Variants in DGKE observed in about 807,000 individuals in gnomAD.
The protein encoded by DGKE is DAG kinase epsilon.
Under a neutral mutation model 70.0 loss-of-function variants are expected in DGKE, and 53 were observed. The ratio of observed to expected loss-of-function variants is 0.76; its 90% CI spans 0.61 to 0.95. The LOEUF is 0.95. DGKE is among the 40% of genes least tolerant of loss of function. DGKE has a pLI of 0.00. For synonymous variants in DGKE, 291 were observed against 257.0 expected, an observed-to-expected ratio of 1.13 and a Z score of -1.27; for missense variants, 655 against 706.9, an observed-to-expected ratio of 0.93 and a Z score of 0.83.
intron 1 of DGKE, among the ~76,000 whole-genome samples, 182 bp from the exon 2 acceptor site, chr17:56,834,588 AGCGTGATG>A (rs1233058601): frequency 4.6e-5 from 7 of 151,682 alleles, no homozygotes; most frequent in Admixed American, 6.6e-5. Flanking sequence ...TGGGGATTGG[AGCGTGATG>A]GCTGGACGTC....
chr17:56,858,800 C>T (rs1178009827), intron 9 of DGKE, 135 bp downstream of exon 9: 5 of 593,798 alleles, frequency 8.4e-6, no homozygotes, highest in Non-Finnish European at 1.4e-5. Flanking sequence ...GTGCCAGGCA[C>T]TTTGCTACAT....
rs938951070 is a variant in DGKE at position 56,834,859 on chromosome 17, C to T, written c.64C>T (p.Leu22=). ...CGAGGGCCTGTTTGCGGACGGGCAC[C>T]TGATCTTGTGGACGCTGTGCTCGGT... is the stretch of plus-strand genomic sequence containing the variant. The part of the protein sequence containing the change: ...PSEGLFADGH[L]ILWTLCSVLL... The change falls in exon 2 of 12, where the codon CTG becomes TTG. Residue 22 remains leucine (L), a synonymous_variant. Coordinates refer to ENST00000284061, the MANE Select transcript of DGKE (RefSeq NM_003647.3). 9.3e-6 allele frequency: 15 copies of T among 1,612,536 alleles called. No individual in the cohort carries two copies. The highest frequency in any genetic ancestry group is 1.2e-5 in the Non-Finnish European group (14 of 1,179,466).
intron 3 of DGKE, among the ~76,000 whole-genome samples, chr17:56,845,346 AAGAC>A (rs1476515118): frequency 1.3e-5 from 2 of 152,170 alleles, no homozygotes; most frequent in Non-Finnish European, 1.5e-5. Flanking sequence ...AAGTTATAGA[AAGAC>A]AGATTTTCAA....
Position 56,857,054 on chromosome 17 carries a change from T to C in DGKE, c.1212+429T>C, listed in dbSNP as rs1218918440. Among the ~76,000 whole-genome samples the C allele has an allele frequency of 5.9e-5, 9 of 152,000 alleles. No individual in the cohort carries two copies. In the East Asian group the frequency reaches 1.7e-3, roughly 29 times the overall value. On this transcript the variant is annotated intron_variant, in intron 8 of 11. Transcript: ENST00000284061. ...CAAAAGTTGCAGTGAGCCGAGATCA[T>C]ACCACTGCACTCCAACTTGGGCAAC...
intron 7 of DGKE, among the ~76,000 whole-genome samples, chr17:56,853,582 G>T (rs1199665673): frequency 6.6e-6 from 1 of 152,012 alleles, no homozygotes; most frequent in Non-Finnish European, 1.5e-5. Flanking sequence ...TATGTTCTTG[G>T]CACCTTTGTC....
At position 56,835,179 on chromosome 17, in the gene DGKE, C is replaced by G. The variant is rs1190110291; in HGVS notation, c.384C>G (p.Ile128Met). The change falls in exon 2 of 12, where the codon ATC becomes ATG. Residue 128 changes from isoleucine (I) to methionine (M), a missense_variant. Physicochemically the swap from Ile to Met is conservative, Grantham distance 10 (BLOSUM62 1). Coordinates refer to ENST00000284061, the MANE Select transcript of DGKE (RefSeq NM_003647.3). The part of the protein sequence containing the change: ...KVLDAMPHHW[I>M]RGNVPLCSYC... ...TGGACGCCATGCCCCACCACTGGATCCGGGGCAACGTGCCCCTGTGCAGTT... is the reference window on the plus strand; with the variant it reads ...TGGACGCCATGCCCCACCACTGGATGCGGGGCAACGTGCCCCTGTGCAGTT... The G allele has an allele frequency of 6.2e-7, 1 of 1,614,008 alleles. No individual in the cohort carries two copies. Among genetic ancestry groups the G allele is most frequent in the Non-Finnish European group, 8.5e-7 (1 of 1,180,054 alleles).
At chr17:56,857,731 T>C (rs1355585851) in intron 8 of DGKE, among the ~76,000 whole-genome samples, 1 of 152,204 alleles carries the variant, frequency 6.6e-6, no homozygotes, top group African/African-American at 2.4e-5. Context: ...TATTTTTCTT[T>C]ATAAAATACA....
chr17:56,856,775 T>TA, intron 8 of DGKE, 150 bp downstream of exon 8: 1 of 1,008,806 alleles, frequency 9.9e-7, no homozygotes. Flanking sequence ...TCAAATTAGA[T>TA]CTTTTTTTTT....
intron 7 of DGKE, among the ~76,000 whole-genome samples, chr17:56,855,668 C>T (rs543050420): frequency 1.3e-5 from 2 of 152,182 alleles, no homozygotes; most frequent in South Asian, 2.1e-4. Context: ...TGTCCAGCAA[C>T]CTGGAAATAG....
Position 56,867,169 on chromosome 17 carries a change from A to C in DGKE, c.*4378A>C, listed in dbSNP as rs1467376802. The C allele has an allele frequency of 3.3e-5, 5 of 152,258 alleles. No individual in the cohort carries two copies. Among genetic ancestry groups the C allele is most frequent in the African/African-American group, 1.2e-4 (5 of 41,462 alleles). 9.4% of individuals were successfully genotyped at this position (152,258 alleles called of 1,614,324 possible). Reference sequence around the variant, plus strand: ...AGGCTTGCATAGCCCAGAAAGGTACATTCCAGGGTTCTGGGGAAAGAATTT... The same window carrying C: ...AGGCTTGCATAGCCCAGAAAGGTACCTTCCAGGGTTCTGGGGAAAGAATTT... On this transcript the variant is annotated 3_prime_UTR_variant, in exon 12 of 12. Transcript: ENST00000284061.
chr17:56,838,392 C>T (rs929399167), intron 2 of DGKE: 3 of 152,218 alleles, frequency 2.0e-5, no homozygotes, highest in Non-Finnish European at 2.9e-5. Flanking sequence ...AAAGAATTTT[C>T]GGCTTTCCCA....
chr17:56,857,315 A>G (rs1394675119), intron 8 of DGKE, among the ~76,000 whole-genome samples: 6 of 152,182 alleles, frequency 3.9e-5, no homozygotes, highest in African/African-American at 1.4e-4. Flanking sequence ...CATTGGTTTG[A>G]AAAACCTCCA....
At position 56,865,236 on chromosome 17, in the gene DGKE, A is replaced by T. The variant is rs1201844698; in HGVS notation, c.*2445A>T. 1 of 152,200 alleles carries T rather than the reference A, an allele frequency of 6.6e-6. No homozygotes were observed. Among genetic ancestry groups the T allele is most frequent in the Non-Finnish European group, 1.5e-5 (1 of 68,004 alleles). The allele number at this position is 152,200 out of a possible 1,614,324, so 9.4% of individuals were successfully genotyped here. A position where few individuals can be genotyped will look rare whatever the true frequency, so the allele number is the denominator to read the frequency against. The stretch of plus-strand genomic sequence containing the variant: ...CCAGGGATTCTACACTTTACCAAAA[A>T]AAATTGCCATAAGATTTTCCTGTTC... On this transcript the variant is annotated 3_prime_UTR_variant, in exon 12 of 12. Coordinates refer to ENST00000284061, the MANE Select transcript of DGKE (RefSeq NM_003647.3).
At chr17:56,855,140 A>G (rs1355472065) in intron 7 of DGKE, among the ~76,000 whole-genome samples, 1 of 152,178 alleles carries the variant, frequency 6.6e-6, no homozygotes, top group Non-Finnish European at 1.5e-5. Context: ...TTAAAAAATA[A>G]AGGCAAATTA....
At chr17:56,848,114 C>A in intron 5 of DGKE, 49 bp downstream of exon 5, 3 of 876,244 alleles carry the variant, frequency 3.4e-6, no homozygotes, top group Non-Finnish European at 1.5e-6. Flanking sequence ...GATAAATATA[C>A]TATACATATA....
chr17:56,865,284 T>TA lies in DGKE; in HGVS notation c.*2500dup, dbSNP rs927864546. 1.3e-5 allele frequency: 2 copies of TA among 152,178 alleles called. No homozygotes were observed. The highest frequency in any genetic ancestry group is 6.5e-5 in the Admixed American group (1 of 15,278). 9.4% of individuals were successfully genotyped at this position (152,178 alleles called of 1,614,324 possible). ...TTCCATTTTAAATTGTCTTGATATT[T>TA]AAAAAAATAACTTCTACATTCTCAG... On this transcript the variant is annotated 3_prime_UTR_variant, in exon 12 of 12. Transcript: ENST00000284061.
rs374651801 is a variant in DGKE, at chr17:56,868,439, C to G, written c.*5648C>G. Reference sequence around the variant, plus strand: ...TAGAAGTGAACTGATTGCACTGGATCCCTAAACCCACAATGTTGAGGACAC... The same window carrying G: ...TAGAAGTGAACTGATTGCACTGGATGCCTAAACCCACAATGTTGAGGACAC... On this transcript the variant is annotated 3_prime_UTR_variant, in exon 12 of 12. Transcript: ENST00000284061. 3.3e-5 allele frequency: 5 copies of G among 152,234 alleles called. No homozygotes were observed. The highest frequency in any genetic ancestry group is 1.9e-4 in the East Asian group (1 of 5,200). The allele number at this position is 152,234 out of a possible 1,614,324, so 9.4% of individuals were successfully genotyped here.
chr17:56,862,509 T>G (rs1908356215), intron 11 of DGKE, 103 bp from the exon 12 acceptor site: 1 of 1,104,744 alleles, frequency 9.1e-7, no homozygotes, highest in Admixed American at 3.1e-5. Flanking sequence ...TTTCTAAAAA[T>G]GAAATGCATA....
At chr17:56,844,785 T>C (rs1414889471) in intron 3 of DGKE, among the ~76,000 whole-genome samples, 1 of 152,188 alleles carries the variant, frequency 6.6e-6, no homozygotes. Flanking sequence ...TGTAGATATG[T>C]GTATGAAATT....
Sources: allele counts gnomAD v4.1 joint callset (sites outside exome capture counted in the v4.1 genomes callset), GRCh38; gene constraint gnomAD v4.1.1; transcripts MANE v1.5; gene names NCBI Gene and HGNC (gene_info 2026-07-23, HGNC 2026-07-21).